Variants in PAWR observed in about 807,000 individuals in gnomAD.
PAWR encodes pro-apoptotic WT1 regulator.
In PAWR, 23 loss-of-function variants were observed where a neutral mutation model predicts 32.0. That is an observed-to-expected ratio of 0.72 (90% confidence interval 0.52 to 1.02). The LOEUF is 1.02. Ranked by LOEUF, PAWR falls within the 50% of genes least tolerant of loss-of-function variation. The pLI, the probability that PAWR is intolerant of heterozygous loss-of-function variation, is 0.00. For synonymous variants in PAWR, 226 were observed against 187.1 expected (o/e 1.21, Z -1.70); for missense variants, 457 against 437.7 (o/e 1.04, Z -0.39).
intron 4 of PAWR, among the ~76,000 whole-genome samples, chr12:79,602,582 A>G (rs1178421643): frequency 6.6e-6 from 1 of 152,174 alleles, no homozygotes; most frequent in Admixed American, 6.5e-5. Context: ...GGAAAAAAAA[A>G]TAAGTGTCAT....
intron 2 of PAWR, among the ~76,000 whole-genome samples, chr12:79,655,942 A>G (rs986115617): frequency 6.6e-6 from 1 of 152,254 alleles, no homozygotes; most frequent in Non-Finnish European, 1.5e-5. Context: ...GAAGGTATCT[A>G]ACCCAGATCC....
Position 79,690,179 on chromosome 12 carries a change from C to T in PAWR, c.66G>A (p.Glu22=), listed in dbSNP as rs926141062. The T allele has an allele frequency of 1.6e-5, 25 of 1,532,354 alleles. No homozygotes were observed. The highest frequency in any genetic ancestry group is 1.7e-4 in the Middle Eastern group (1 of 5,928). 94.9% of individuals were successfully genotyped at this position (1,532,354 alleles called of 1,614,324 possible). The change falls in exon 2 of 7, where the codon GAG becomes GAA. Residue 22 remains glutamate (E), a synonymous_variant. Coordinates refer to ENST00000328827, the MANE Select transcript of PAWR (RefSeq NM_002583.4). The stretch of plus-strand genomic sequence containing the variant: ...GCATCTTCTCGCGTTTCGCCTTCCA[C>T]TCCTCCAGGAAGTCTGTGGTGCTGC... ...LGGSTTDFLE[E]WKAKREKMRA... is the part of the protein sequence containing the mutation.
chr12:79,627,961 T>C (rs948572657), intron 2 of PAWR, among the ~76,000 whole-genome samples: 4 of 152,142 alleles, frequency 2.6e-5, no homozygotes, highest in South Asian at 2.1e-4. Flanking sequence ...GCGGACCTAA[T>C]AGACATCTAC....
intron 4 of PAWR, among the ~76,000 whole-genome samples, chr12:79,606,245 G>A (rs1382554756): frequency 8.5e-5 from 13 of 152,170 alleles, no homozygotes; most frequent in African/African-American, 2.2e-4. Context: ...TTCCTTCAGG[G>A]TAGAACAATT....
intron 2 of PAWR, among the ~76,000 whole-genome samples, chr12:79,652,858 CAGTAA>C: frequency 6.6e-6 from 1 of 152,186 alleles, no homozygotes; most frequent in South Asian, 2.1e-4. Context: ...TCTCCATCAC[CAGTAA>C]AGTAATAAAA....
chr12:79,642,135 A>C (rs1565686779), intron 2 of PAWR, among the ~76,000 whole-genome samples: 1 of 152,198 alleles, frequency 6.6e-6, no homozygotes. Flanking sequence ...AGTATAAATA[A>C]ATCAATGATT....
At chr12:79,630,997 T>C (rs556495535) in intron 2 of PAWR, among the ~76,000 whole-genome samples, 1 of 152,260 alleles carries the variant, frequency 6.6e-6, no homozygotes, top group East Asian at 1.9e-4. Flanking sequence ...AAATGGGGTC[T>C]ATCCCAGTAA....
intron 2 of PAWR, among the ~76,000 whole-genome samples, chr12:79,662,437 G>A (rs1877397621): frequency 6.6e-6 from 1 of 152,132 alleles, no homozygotes; most frequent in African/African-American, 2.4e-5. Flanking sequence ...CTCCAGAAAA[G>A]TCCAGTCTTT....
chr12:79,671,123 T>TAAAAAA lies in PAWR; in HGVS notation c.516+18600_516+18605dup, dbSNP rs80196711. On this transcript the variant is annotated intron_variant, in intron 2 of 6. Transcript: ENST00000328827. ...GGGCAAAAAGCAAGACCTTAGCACT[T>TAAAAAA]AAAAAAAAAAAAAAAAAAAAAGGAA... Among the ~76,000 whole-genome samples, 6 of 98,988 alleles carry TAAAAAA rather than the reference T, an allele frequency of 6.1e-5. No homozygotes were observed. The Admixed American group carries it at 6.6e-4, about 11-fold the overall frequency. The allele number at this position is 98,988 out of a possible 152,430, so 64.9% of individuals were successfully genotyped here.
At chr12:79,615,242 G>A (rs936275313) in intron 3 of PAWR, among the ~76,000 whole-genome samples, 2 of 152,130 alleles carry the variant, frequency 1.3e-5, no homozygotes, top group Admixed American at 6.6e-5. Flanking sequence ...TAAGTAAAAT[G>A]TAAGTGTCTG....
At chr12:79,620,781 G>A (rs1874966270) in intron 3 of PAWR, among the ~76,000 whole-genome samples, 1 of 152,174 alleles carries the variant, frequency 6.6e-6, no homozygotes, top group African/African-American at 2.4e-5. Context: ...ATCAAGTTGA[G>A]GAAGAGTCCC....
At chr12:79,667,981 A>G (rs1877693704) in intron 2 of PAWR, 1 of 150,798 alleles carries the variant, frequency 6.6e-6, no homozygotes, top group Non-Finnish European at 1.5e-5. Flanking sequence ...TCGGCTCACC[A>G]CAACCTCTGT....
At chr12:79,687,586 T>C (rs375594042) in intron 2 of PAWR, among the ~76,000 whole-genome samples, 23 of 152,290 alleles carry the variant, frequency 1.5e-4, no homozygotes, top group African/African-American at 5.5e-4. Flanking sequence ...TTACTTATTT[T>C]CATACCCGAA....
intron 2 of PAWR, among the ~76,000 whole-genome samples, chr12:79,686,647 G>A (rs938193837): frequency 9.9e-5 from 15 of 152,098 alleles, no homozygotes; most frequent in African/African-American, 3.4e-4. Flanking sequence ...ACTGCATGTC[G>A]GTACTTAATA....
chr12:79,617,974 A>G (rs892061069), intron 3 of PAWR, among the ~76,000 whole-genome samples: 2 of 152,164 alleles, frequency 1.3e-5, no homozygotes, highest in Non-Finnish European at 2.9e-5. Flanking sequence ...CCTCATAAGA[A>G]GCTGAGCACA....
At chr12:79,669,318 C>T (rs1465804994) in intron 2 of PAWR, among the ~76,000 whole-genome samples, 2 of 152,114 alleles carry the variant, frequency 1.3e-5, no homozygotes, top group Non-Finnish European at 2.9e-5. Context: ...ACTTTCCCTG[C>T]ATGGAGGGAA....
intron 2 of PAWR, among the ~76,000 whole-genome samples, chr12:79,649,864 C>CAATT (rs560183599): frequency 2.6e-5 from 4 of 152,276 alleles, no homozygotes; most frequent in African/African-American, 9.6e-5. Context: ...TCATGAAAGA[C>CAATT]AATTTTTTCA....
chr12:79,623,882 C>T (rs1194489473), intron 2 of PAWR, among the ~76,000 whole-genome samples: 4 of 151,936 alleles, frequency 2.6e-5, no homozygotes, highest in Non-Finnish European at 4.4e-5. Flanking sequence ...AACAAAAATA[C>T]CTGATAGAGG....
Position 79,592,505 on chromosome 12 carries a change from GTTATT to G in PAWR, c.*97_*101del. 1.7e-6 allele frequency: 1 copy of G among 579,880 alleles called. No homozygotes were observed. Among genetic ancestry groups the G allele is most frequent in the Non-Finnish European group, 3.0e-6 (1 of 329,334 alleles). 35.9% of individuals were successfully genotyped at this position (579,880 alleles called of 1,614,324 possible). On this transcript the variant is annotated 3_prime_UTR_variant, in exon 7 of 7. Transcript: ENST00000328827. ...TGCTAGAAATAAATATACTTGCTTA[GTTATT>G]TTAATGTATTGCAGCATAGGAATAT...
Sources: gnomAD v4.1 joint callset for allele counts (sites outside exome capture counted in the v4.1 genomes callset) on GRCh38, gnomAD v4.1.1 for gene constraint, MANE v1.5 for transcripts, NCBI Gene and HGNC (gene_info 2026-07-23, HGNC 2026-07-21) for gene names.